GALNT13: variants seen among roughly 807,000 people sequenced by gnomAD.
GALNT13 encodes the protein polypeptide N-acetylgalactosaminyltransferase 13.
A neutral mutation model predicts 64.2 loss-of-function variants in GALNT13; 28 were observed. The observed-to-expected ratio is 0.44, with a 90% CI of 0.32 to 0.60. The LOEUF is 0.60. GALNT13 is among the 20% of genes least tolerant of loss of function. The probability of loss-of-function intolerance (pLI) is 0.05; values close to 1 mark genes in which losing one functional copy is unlikely to be tolerated. For missense variants in GALNT13, 577 were observed against 669.8 expected, an observed-to-expected ratio of 0.86 and a Z score of 1.53; for synonymous variants, 214 against 224.6, an observed-to-expected ratio of 0.95 and a Z score of 0.42.
chr2:153,487,366 A>T, the GALNT13 span, among the ~76,000 whole-genome samples: 31 of 152,230 alleles, frequency 2.0e-4, no homozygotes, highest in African/African-American at 7.0e-4. Context: ...TCGTTGGGCC[A>T]GTCGCCTACC....
chr2:154,425,527 C>T (rs1267954955), intron 11 of GALNT13, among the ~76,000 whole-genome samples: 1 of 152,174 alleles, frequency 6.6e-6, no homozygotes, highest in Non-Finnish European at 1.5e-5. Flanking sequence ...AAGAATATCT[C>T]ATTTAGGAGT....
intron 11 of GALNT13, among the ~76,000 whole-genome samples, chr2:154,430,891 G>A (rs1022133078): frequency 1.3e-5 from 2 of 152,068 alleles, no homozygotes; most frequent in Non-Finnish European, 2.9e-5. Context: ...ATAATTGTTA[G>A]CATTTTTAAC....
rs77201102 is a variant in GALNT13, at chr2:154,231,297, G to A, written c.312-10733G>A. On this transcript the variant is annotated intron_variant, in intron 4 of 12. Transcript: ENST00000392825. The stretch of plus-strand genomic sequence containing the variant: ...AATTTCTTTCATAAGTGGGTTGCCA[G>A]TGCTAGTTGCTAAAATAATAATGTG... 8.4e-3 allele frequency among the ~76,000 whole-genome samples: 1,272 copies of A among 152,118 alleles called. 21 individuals carry two copies. Among genetic ancestry groups the A allele is most frequent in the African/African-American group, 0.029 (1,204 of 41,508 alleles).
chr2:154,338,293 T>A (rs1240811856), intron 9 of GALNT13, among the ~76,000 whole-genome samples: 2 of 152,184 alleles, frequency 1.3e-5, no homozygotes, highest in African/African-American at 4.8e-5. Context: ...AAATACAGAA[T>A]AACCAATTTA....
At chr2:153,638,979 C>T in the GALNT13 span, among the ~76,000 whole-genome samples, 8 of 152,106 alleles carry the variant, frequency 5.3e-5, no homozygotes, top group Non-Finnish European at 4.4e-5. Flanking sequence ...CCAGCGAACA[C>T]GTGGTTTTCT....
At chr2:154,234,859 T>A (rs1408138788) in intron 4 of GALNT13, among the ~76,000 whole-genome samples, 1 of 152,102 alleles carries the variant, frequency 6.6e-6, no homozygotes, top group African/African-American at 2.4e-5. Context: ...CTTCCTTCTG[T>A]TCTACTTTTA....
chr2:153,821,679 A>G, the GALNT13 span, among the ~76,000 whole-genome samples: 19 of 152,204 alleles, frequency 1.2e-4, no homozygotes, highest in Admixed American at 5.9e-4. Context: ...AAGAAATAGT[A>G]AAACAAGGAC....
the GALNT13 span, chr2:153,478,059 C>T: frequency 3.3e-6 from 2 of 608,634 alleles, no homozygotes; most frequent in Non-Finnish European, 5.8e-6. Context: ...GACTGCCAGG[C>T]ATGAGGACTT....
chr2:153,487,531 C>T, the GALNT13 span, among the ~76,000 whole-genome samples: 1 of 152,222 alleles, frequency 6.6e-6, no homozygotes, highest in South Asian at 2.1e-4. Context: ...GGGACACAGT[C>T]TCTGCCTTCC....
At chr2:153,479,202 A>T in the GALNT13 span, among the ~76,000 whole-genome samples, 2 of 152,166 alleles carry the variant, frequency 1.3e-5, no homozygotes, top group Non-Finnish European at 2.9e-5. Flanking sequence ...CGCAGGTGCC[A>T]GATGGTGCCG....
chr2:153,850,024 AAAAAATT>A, the GALNT13 span, among the ~76,000 whole-genome samples: 2 of 149,694 alleles, frequency 1.3e-5, no homozygotes, highest in Non-Finnish European at 3.0e-5. Flanking sequence ...AAAAAAAAAA[AAAAAATT>A]AGCCGGGCAT....
chr2:153,074,511 C>T, the GALNT13 span, among the ~76,000 whole-genome samples: 8 of 152,106 alleles, frequency 5.3e-5, no homozygotes, highest in Non-Finnish European at 1.5e-5. Flanking sequence ...AAGGTGTAAC[C>T]TGCTATACTT....
chr2:154,031,297 T>C (rs942329270), intron 3 of GALNT13, among the ~76,000 whole-genome samples: 2 of 151,906 alleles, frequency 1.3e-5, no homozygotes, highest in Admixed American at 6.6e-5. Context: ...AGAGGTAATA[T>C]GGTATCATAA....
At chr2:154,057,815 G>C (rs187366536) in intron 3 of GALNT13, among the ~76,000 whole-genome samples, 1 of 152,206 alleles carries the variant, frequency 6.6e-6, no homozygotes, top group Admixed American at 6.5e-5. Context: ...GTATCATTTA[G>C]ACTTTATGGA....
At chr2:153,574,800 T>G in the GALNT13 span, among the ~76,000 whole-genome samples, 4 of 152,084 alleles carry the variant, frequency 2.6e-5, no homozygotes, top group African/African-American at 9.7e-5. Context: ...TTTGAGTTTC[T>G]TCAACACAGC....
At chr2:153,258,374 C>CAAAACAA in the GALNT13 span, among the ~76,000 whole-genome samples, 20,204 of 144,620 alleles carry the variant, frequency 0.14, 1,658 homozygotes, top group Non-Finnish European at 0.18. Flanking sequence ...CTCCCAAAAA[C>CAAAACAA]AAAACAAAAC....
At chr2:154,175,679 A>T (rs1045969071) in intron 4 of GALNT13, among the ~76,000 whole-genome samples, 4 of 152,190 alleles carry the variant, frequency 2.6e-5, no homozygotes, top group African/African-American at 9.6e-5. Flanking sequence ...AAATATATAT[A>T]TTGAAATATG....
chr2:153,922,727 T>A (rs1328417331), intron 2 of GALNT13, among the ~76,000 whole-genome samples: 1 of 152,078 alleles, frequency 6.6e-6, no homozygotes, highest in Non-Finnish European at 1.5e-5. Context: ...TTCTGGTGGA[T>A]AATATGGAAA....
At chr2:153,207,694 A>G in the GALNT13 span, among the ~76,000 whole-genome samples, 1 of 152,306 alleles carries the variant, frequency 6.6e-6, no homozygotes, top group East Asian at 1.9e-4. Flanking sequence ...CGTGGTGACC[A>G]GTTATTTATA....
Sources: gnomAD v4.1 joint callset for allele counts (sites outside exome capture counted in the v4.1 genomes callset) on GRCh38, gnomAD v4.1.1 for gene constraint, MANE v1.5 for transcripts, NCBI Gene and HGNC (gene_info 2026-07-23, HGNC 2026-07-21) for gene names.